The following MTHFD2L variants were observed in gnomAD, a reference collection of about 807,000 sequenced individuals.
MTHFD2L encodes the protein bifunctional methylenetetrahydrofolate dehydrogenase/cyclohydrolase 2, mitochondrial.
A neutral mutation model predicts 34.9 loss-of-function variants in MTHFD2L; 29 were observed. The observed-to-expected ratio is 0.83, with a 90% CI of 0.62 to 1.13. The LOEUF (loss-of-function observed/expected upper bound fraction) is 1.13, where lower values mean the gene tolerates loss of function less well. MTHFD2L is among the 50% of genes most tolerant of loss of function. The pLI is 0.00. For synonymous variants in MTHFD2L, 167 were observed against 155.7 expected (o/e 1.07, Z -0.54); for missense variants, 481 against 446.5 (o/e 1.08, Z -0.70).
chr4:74,158,175 G>A lies in MTHFD2L; in HGVS notation c.37G>A (p.Gly13Ser). 4 of 1,526,778 alleles carry A rather than the reference G, an allele frequency of 2.6e-6. No homozygotes were observed. Among genetic ancestry groups the A allele is most frequent in the Non-Finnish European group, 3.5e-6 (4 of 1,138,188 alleles). The allele number at this position is 1,526,778 out of a possible 1,614,324, so 94.6% of individuals were successfully genotyped here. ...VPVRGFSLLR[G>S]RLGRAPALGR... ...GGTCCGCGGCTTCTCGCTGCTCCGC[G>A]GCCGCCTTGGCCGAGCGCCGGCGTT... is the stretch of plus-strand genomic sequence containing the variant. Residue 13 changes from glycine (G) to serine (S), a missense_variant, in exon 1 of 8, where the codon GGC becomes AGC. Coordinates refer to ENST00000325278, the MANE Select transcript of MTHFD2L (RefSeq NM_001144978.3).
intron 6 of MTHFD2L, among the ~76,000 whole-genome samples, chr4:74,231,729 AT>A (rs2110140875): frequency 6.6e-6 from 1 of 152,250 alleles, no homozygotes; most frequent in Non-Finnish European, 1.5e-5. Flanking sequence ...CAATCTGTTC[AT>A]TGATGTGATT....
chr4:74,222,027 T>A (rs1032008748), intron 5 of MTHFD2L, among the ~76,000 whole-genome samples: 1 of 151,914 alleles, frequency 6.6e-6, no homozygotes, highest in Non-Finnish European at 1.5e-5. Flanking sequence ...AAATATATAT[T>A]TTTTTATTTT....
intron 3 of MTHFD2L, among the ~76,000 whole-genome samples, chr4:74,177,196 A>G (rs1270251491): frequency 2.0e-5 from 3 of 151,962 alleles, no homozygotes; most frequent in Non-Finnish European, 2.9e-5. Context: ...GCACTCTTAT[A>G]TCATAGGAAA....
intron 6 of MTHFD2L, among the ~76,000 whole-genome samples, chr4:74,238,364 A>G (rs1247369578): frequency 6.6e-6 from 1 of 152,118 alleles, no homozygotes; most frequent in African/African-American, 2.4e-5. Context: ...AGTTAAAGAC[A>G]TAAATGTTAG....
chr4:74,218,619 C>T (rs745533872), intron 5 of MTHFD2L, among the ~76,000 whole-genome samples: 35 of 151,308 alleles, frequency 2.3e-4, no homozygotes, highest in Non-Finnish European at 4.4e-4. Context: ...TTCAAGCCCC[C>T]CCCCCACCAC....
At chr4:74,126,592 G>A (rs1469924551) in intron 1 of MTHFD2L, among the ~76,000 whole-genome samples, 1 of 151,840 alleles carries the variant, frequency 6.6e-6, no homozygotes, top group Non-Finnish European at 1.5e-5. Flanking sequence ...CGTAAGAAGA[G>A]GTGGATAGTG....
At chr4:74,298,590 A>G (rs557915565) in intron 7 of MTHFD2L, among the ~76,000 whole-genome samples, 3 of 152,174 alleles carry the variant, frequency 2.0e-5, no homozygotes, top group Non-Finnish European at 4.4e-5. Context: ...CCAGTGGTTT[A>G]TCTGATCTGA....
At chr4:74,191,271 T>C (rs1273191645) in intron 3 of MTHFD2L, among the ~76,000 whole-genome samples, 1 of 152,110 alleles carries the variant, frequency 6.6e-6, no homozygotes, top group Non-Finnish European at 1.5e-5. Context: ...CAGTAAATAT[T>C]TGTTGAGTAA....
Position 74,302,041 on chromosome 4 carries a change from G to A in MTHFD2L, c.*232G>A, listed in dbSNP as rs1750386635. 1 of 351,184 alleles carries A rather than the reference G, an allele frequency of 2.8e-6. No homozygotes were observed. Among genetic ancestry groups the A allele is most frequent in the African/African-American group, 2.1e-5 (1 of 47,112 alleles). 21.8% of individuals were successfully genotyped at this position (351,184 alleles called of 1,614,324 possible). On this transcript the variant is annotated 3_prime_UTR_variant, in exon 8 of 8. Coordinates refer to ENST00000325278, the MANE Select transcript of MTHFD2L (RefSeq NM_001144978.3). Reference sequence around the variant, plus strand: ...TCCAATGAAAATTTTAGTAACAATTGTTTATTTTGAGGGTATTTGTTCATA... The same window carrying A: ...TCCAATGAAAATTTTAGTAACAATTATTTATTTTGAGGGTATTTGTTCATA...
chr4:74,203,898 T>G (rs202039551), intron 5 of MTHFD2L, among the ~76,000 whole-genome samples: 1 of 608 alleles, frequency 1.6e-3, no homozygotes, highest in Admixed American at 0.5. Context: ...CAATTTGCAG[T>G]TTTTTTTTTT....
upstream of MTHFD2L, among the ~76,000 whole-genome samples, chr4:74,122,735 C>G (rs374370660): frequency 6.6e-6 from 1 of 152,134 alleles, no homozygotes; most frequent in Non-Finnish European, 1.5e-5. Context: ...GATCCTGAAA[C>G]AGTTTTATCT....
intron 1 of MTHFD2L, among the ~76,000 whole-genome samples, chr4:74,141,070 G>A (rs1400693530): frequency 1.3e-5 from 2 of 152,134 alleles, no homozygotes; most frequent in African/African-American, 4.8e-5. Context: ...AATATTTTAT[G>A]AATGTACTTA....
At chr4:74,212,528 C>G (rs1578486034) in intron 5 of MTHFD2L, among the ~76,000 whole-genome samples, 2 of 152,194 alleles carry the variant, frequency 1.3e-5, no homozygotes, top group Non-Finnish European at 2.9e-5. Context: ...TAATCCTGAG[C>G]TCCAATTTGA....
intron 6 of MTHFD2L, among the ~76,000 whole-genome samples, chr4:74,250,144 G>C (rs558875009): frequency 6.6e-6 from 1 of 152,140 alleles, no homozygotes; most frequent in South Asian, 2.1e-4. Context: ...GTCTTTTCAC[G>C]TAGTCCCATA....
At chr4:74,182,288 C>A (rs1458227622) in intron 3 of MTHFD2L, among the ~76,000 whole-genome samples, 1 of 152,142 alleles carries the variant, frequency 6.6e-6, no homozygotes, top group African/African-American at 2.4e-5. Context: ...AGTTTTTCAG[C>A]ACCACTTTTT....
chr4:74,181,989 C>T (rs1029777534), intron 3 of MTHFD2L, among the ~76,000 whole-genome samples: 2 of 152,030 alleles, frequency 1.3e-5, no homozygotes, highest in African/African-American at 4.8e-5. Flanking sequence ...TTTATGTATC[C>T]AGAACACTGA....
chr4:74,177,651 G>A (rs938715514), intron 3 of MTHFD2L, among the ~76,000 whole-genome samples: 3 of 151,932 alleles, frequency 2.0e-5, no homozygotes, highest in Non-Finnish European at 4.4e-5. Context: ...CTGCTGTTTA[G>A]AATGTAAATT....
At chr4:74,131,312 T>A (rs1388670511) in intron 1 of MTHFD2L, among the ~76,000 whole-genome samples, 1 of 152,194 alleles carries the variant, frequency 6.6e-6, no homozygotes, top group East Asian at 1.9e-4. Context: ...GCTGCAAGCA[T>A]CATGCTACCT....
At chr4:74,218,518 A>C (rs1229863045) in intron 5 of MTHFD2L, among the ~76,000 whole-genome samples, 5 of 152,030 alleles carry the variant, frequency 3.3e-5, no homozygotes, top group Non-Finnish European at 7.4e-5. Flanking sequence ...TGTTTAAGGG[A>C]TTTATAGGAT....
Sources: gnomAD v4.1 joint callset for allele counts (sites outside exome capture counted in the v4.1 genomes callset) on GRCh38, gnomAD v4.1.1 for gene constraint, MANE v1.5 for transcripts, NCBI Gene and HGNC (gene_info 2026-07-23, HGNC 2026-07-21) for gene names.